Variants in SMIM36 observed in about 807,000 individuals in gnomAD.
SMIM36 encodes the protein small integral membrane protein 36.
chr17:55,490,102 G>A (rs1001229310), intron 1 of SMIM36, among the ~76,000 whole-genome samples: 3 of 151,830 alleles, frequency 2.0e-5, no homozygotes, highest in Non-Finnish European at 4.4e-5. Context: ...TAATCTGCCT[G>A]CCTTGACCTC....
At chr17:55,465,021 G>A (rs779782300) in intron 4 of SMIM36, among the ~76,000 whole-genome samples, 2 of 152,178 alleles carry the variant, frequency 1.3e-5, no homozygotes, top group Non-Finnish European at 2.9e-5. Context: ...ACTGTGTGAT[G>A]GAGCTGCCGG....
chr17:55,459,424 T>C (rs1909096748), intron 4 of SMIM36, among the ~76,000 whole-genome samples: 1 of 152,186 alleles, frequency 6.6e-6, no homozygotes, highest in Non-Finnish European at 1.5e-5. Flanking sequence ...GTCCAATATG[T>C]GTGGCATATA....
At chr17:55,526,477 C>A in the SMIM36 span, among the ~76,000 whole-genome samples, 1 of 152,040 alleles carries the variant, frequency 6.6e-6, no homozygotes, top group African/African-American at 2.4e-5. Context: ...CTATTATTAT[C>A]CCCATGTTAT....
intron 1 of SMIM36, among the ~76,000 whole-genome samples, chr17:55,490,294 T>C (rs1909680685): frequency 6.6e-6 from 1 of 152,080 alleles, no homozygotes; most frequent in African/African-American, 2.4e-5. Flanking sequence ...TTCTGCCAGG[T>C]GGTATCCTGA....
intron 1 of SMIM36, among the ~76,000 whole-genome samples, chr17:55,491,329 G>T (rs1909702483): frequency 6.7e-6 from 1 of 149,312 alleles, no homozygotes; most frequent in African/African-American, 2.5e-5. Context: ...TCACACAAAT[G>T]CTACTAGAGG....
At chr17:55,521,076 T>C in the SMIM36 span, among the ~76,000 whole-genome samples, 1 of 152,070 alleles carries the variant, frequency 6.6e-6, no homozygotes, top group Non-Finnish European at 1.5e-5. Flanking sequence ...TGAGCTGAGA[T>C]TGTGCCACTG....
intron 1 of SMIM36, among the ~76,000 whole-genome samples, chr17:55,502,027 A>C (rs1343944197): frequency 6.6e-6 from 1 of 151,780 alleles, no homozygotes; most frequent in Admixed American, 6.6e-5. Flanking sequence ...GGCTTAAAAA[A>C]CGGCGCACCA....
intron 1 of SMIM36, among the ~76,000 whole-genome samples, chr17:55,496,017 T>G (rs1909800522): frequency 6.6e-6 from 1 of 152,176 alleles, no homozygotes; most frequent in Non-Finnish European, 1.5e-5. Context: ...TGCGTATACA[T>G]TTTTGTCTCC....
intron 3 of SMIM36, among the ~76,000 whole-genome samples, chr17:55,468,720 T>A (rs1164259342): frequency 6.6e-6 from 1 of 152,144 alleles, no homozygotes; most frequent in Non-Finnish European, 1.5e-5. Context: ...CTCCTTACTA[T>A]GGGCAAACTT....
At chr17:55,463,744 G>C (rs1039216431) in intron 4 of SMIM36, among the ~76,000 whole-genome samples, 1 of 152,074 alleles carries the variant, frequency 6.6e-6, no homozygotes, top group Non-Finnish European at 1.5e-5. Flanking sequence ...CAGGAAGCCT[G>C]GGTAATCTGT....
intron 1 of SMIM36, among the ~76,000 whole-genome samples, chr17:55,497,198 G>T (rs1909824675): frequency 6.6e-6 from 1 of 151,824 alleles, no homozygotes; most frequent in African/African-American, 2.4e-5. Flanking sequence ...ATTCCATCTG[G>T]CAAAACCACA....
At chr17:55,518,055 G>C in the SMIM36 span, among the ~76,000 whole-genome samples, 1 of 152,184 alleles carries the variant, frequency 6.6e-6, no homozygotes, top group East Asian at 1.9e-4. Flanking sequence ...AGTCCATTTT[G>C]TGCTGCTATA....
chr17:55,478,309 C>T (rs149813758), intron 3 of SMIM36, among the ~76,000 whole-genome samples: 116 of 151,738 alleles, frequency 7.6e-4, no homozygotes, highest in East Asian at 6.6e-3. Context: ...TCTTGGCTCA[C>T]GGTAGCCTTG....
intron 1 of SMIM36, among the ~76,000 whole-genome samples, chr17:55,501,458 TTA>T (rs1909974710): frequency 1.5e-5 from 1 of 65,218 alleles, no homozygotes; most frequent in South Asian, 4.7e-4. Flanking sequence ...TAATATATTA[TTA>T]TATATTATAT....
chr17:55,465,606 C>T (rs1035081876), intron 4 of SMIM36, among the ~76,000 whole-genome samples: 2 of 152,130 alleles, frequency 1.3e-5, no homozygotes, highest in African/African-American at 4.8e-5. Flanking sequence ...GACATTGCCT[C>T]AACACATGGC....
chr17:55,460,381 T>C (rs1397324997), intron 4 of SMIM36, among the ~76,000 whole-genome samples: 1 of 150,892 alleles, frequency 6.6e-6, no homozygotes, highest in Non-Finnish European at 1.5e-5. Flanking sequence ...TGACCCTAGA[T>C]TGTGCCACTG....
intron 4 of SMIM36, among the ~76,000 whole-genome samples, chr17:55,464,292 G>A (rs532658041): frequency 6.6e-6 from 1 of 152,268 alleles, no homozygotes; most frequent in Admixed American, 6.5e-5. Flanking sequence ...CCTGTGCCAT[G>A]TGATGGACAG....
Position 55,465,973 on chromosome 17 carries a change from C to G in SMIM36, c.*531+1172G>C, listed in dbSNP as rs145933749. Among the ~76,000 whole-genome samples the G allele has an allele frequency of 2.0e-5, 3 of 152,044 alleles. No individual in the cohort carries two copies. The East Asian group carries it at 5.8e-4, about 29-fold the overall frequency. ...TAGGGAAGTGCTTTGAGCCAGGAGA[C>G]AGGAAGATAAGAAAGTGCTGGCAGG... is the stretch of plus-strand genomic sequence containing the variant. On this transcript the variant is annotated intron_variant, in intron 4 of 4. Coordinates refer to ENST00000636752, the Ensembl canonical transcript of SMIM36.
At chr17:55,513,552 G>A (rs1447178094), upstream of SMIM36, among the ~76,000 whole-genome samples, 8 of 152,168 alleles carry the variant, frequency 5.3e-5, no homozygotes, top group African/African-American at 2.4e-5. Flanking sequence ...AGACAGAAGC[G>A]AGGCTTTAAA....
Sources: allele counts gnomAD v4.1 joint callset (sites outside exome capture counted in the v4.1 genomes callset), GRCh38; gene constraint gnomAD v4.1.1; transcripts MANE v1.5; gene names NCBI Gene and HGNC (gene_info 2026-07-23, HGNC 2026-07-21).